CEP78: variants seen among roughly 807,000 people sequenced by gnomAD.
The protein encoded by CEP78 is centrosomal protein of 78 kDa.
Under a neutral mutation model 81.2 loss-of-function variants are expected in CEP78, and 76 were observed. The ratio of observed to expected loss-of-function variants is 0.94; its 90% CI spans 0.78 to 1.13. CEP78 has a LOEUF of 1.13. CEP78 is among the 50% of genes most tolerant of loss of function. CEP78 has a pLI of 0.00. For missense variants in CEP78, 918 were observed against 846.8 expected (o/e 1.08, Z -1.04); for synonymous variants, 293 against 301.4 (o/e 0.97, Z 0.29).
intron 8 of CEP78, among the ~76,000 whole-genome samples, chr9:78,251,274 A>C (rs1163383452): frequency 6.6e-6 from 1 of 152,238 alleles, no homozygotes; most frequent in African/African-American, 2.4e-5. Flanking sequence ...GAAGGTGGAC[A>C]GACTTATAGG....
Position 78,264,203 on chromosome 9 carries a change from C to T in CEP78, c.1512C>T (p.Ala504=). ...ATATAAATTTCTCTTTGTCTGAAGC[C>T]CTTCATGCACAGTCATTGACAAATA... is the stretch of plus-strand genomic sequence containing the variant. The part of the protein sequence containing the change: ...LRNINFSLSE[A]LHAQSLTNMI... The change falls in exon 13 of 17, where the codon GCC becomes GCT. Residue 504 remains alanine (A), a synonymous_variant. Transcript: ENST00000643273. The T allele has an allele frequency of 1.9e-6, 3 of 1,564,740 alleles. No homozygotes were observed. The highest frequency in any genetic ancestry group is 2.6e-6 in the Non-Finnish European group (3 of 1,156,790).
chr9:78,243,754 G>T, intron 5 of CEP78, 118 bp downstream of exon 5: 1 of 688,874 alleles, frequency 1.5e-6, no homozygotes, highest in Non-Finnish European at 2.2e-6. Context: ...TTTTCTAATA[G>T]GTTTTATTTT....
Position 78,266,633 on chromosome 9 carries a change from T to C in CEP78, c.2037T>C (p.Thr679=). Residue 679 remains threonine (T), a synonymous_variant, in exon 16 of 17, where the codon ACT becomes ACC. Coordinates refer to ENST00000643273, the MANE Select transcript of CEP78 (RefSeq NM_001330691.3). The part of the protein sequence containing the change: ...CSPSPDATSG[T]GSQRKEEELS... Reference sequence around the variant, plus strand: ...CTTCACCAGATGCGACTTCTGGAACTGGAAGTCAAAGAAAAGAAGAGGAGT... The same window carrying C: ...CTTCACCAGATGCGACTTCTGGAACCGGAAGTCAAAGAAAAGAAGAGGAGT... The C allele has an allele frequency of 1.9e-6, 3 of 1,612,852 alleles. No individual in the cohort carries two copies. The highest frequency in any genetic ancestry group is 2.5e-6 in the Non-Finnish European group (3 of 1,179,286).
chr9:78,273,840 AT>A lies in CEP78; in HGVS notation c.*2990del, dbSNP rs1437052459. The stretch of plus-strand genomic sequence containing the variant: ...CAGTTATAACAAGAAGCTTTAAGAC[AT>A]CTCTTTTCAGAATCAGTGGATCGAC... On this transcript the variant is annotated 3_prime_UTR_variant, in exon 17 of 17. Coordinates refer to ENST00000643273, the MANE Select transcript of CEP78 (RefSeq NM_001330691.3). 2 of 152,246 alleles carry A rather than the reference AT, an allele frequency of 1.3e-5. No individual in the cohort carries two copies. Among genetic ancestry groups the A allele is most frequent in the Non-Finnish European group, 2.9e-5 (2 of 68,034 alleles). 9.4% of individuals were successfully genotyped at this position (152,246 alleles called of 1,614,324 possible). A position where few individuals can be genotyped will look rare whatever the true frequency, so the allele number is the denominator to read the frequency against.
chr9:78,236,232 C>A lies in CEP78; in HGVS notation c.-119C>A. On this transcript the variant is annotated 5_prime_UTR_variant, in exon 1 of 17. Transcript: ENST00000643273. The stretch of plus-strand genomic sequence containing the variant: ...CGAATCACCGCTCCTGAGCCCGGTG[C>A]GGGGCTGCCGCTATCGCCTGGCCGT... 1 of 870,310 alleles carries A rather than the reference C, an allele frequency of 1.1e-6. No individual in the cohort carries two copies. The highest frequency in any genetic ancestry group is 1.7e-6 in the Non-Finnish European group (1 of 584,966). The allele number at this position is 870,310 out of a possible 1,614,324, so 53.9% of individuals were successfully genotyped here.
intron 1 of CEP78, among the ~76,000 whole-genome samples, chr9:78,238,968 G>C (rs1826089398): frequency 2.0e-5 from 3 of 151,918 alleles, no homozygotes; most frequent in Middle Eastern, 3.2e-3. Context: ...CAGCCTGGGT[G>C]ACAGAGCAAG....
rs779612573 is a variant in CEP78, at chr9:78,272,571, C to A, written c.*1720C>A. ...AGCTTGTCCTAGATATTGTCTTATT[C>A]ATGGGAAGGATACAGGTAGTGTTTG... is the stretch of plus-strand genomic sequence containing the variant. On this transcript the variant is annotated 3_prime_UTR_variant, in exon 17 of 17. Transcript: ENST00000643273. 6.6e-6 allele frequency: 1 copy of A among 152,070 alleles called. No homozygotes were observed. The highest frequency in any genetic ancestry group is 6.5e-5 in the Admixed American group (1 of 15,274). 9.4% of individuals were successfully genotyped at this position (152,070 alleles called of 1,614,324 possible).
intron 3 of CEP78, among the ~76,000 whole-genome samples, 155 bp from the exon 4 acceptor site, chr9:78,241,541 G>C (rs1826228306): frequency 6.6e-6 from 1 of 152,156 alleles, no homozygotes; most frequent in African/African-American, 2.4e-5. Context: ...ACTTATTTTA[G>C]AATGTACCAA....
rs1290486027 is a variant in CEP78 at position 78,273,008 on chromosome 9, A to G, written c.*2157A>G. 1 of 152,196 alleles carries G rather than the reference A, an allele frequency of 6.6e-6. No homozygotes were observed. The highest frequency in any genetic ancestry group is 1.5e-5 in the Non-Finnish European group (1 of 68,022). 9.4% of individuals were successfully genotyped at this position (152,196 alleles called of 1,614,324 possible). ...CAGAATTGCCATTTGCCATGAGAAG[A>G]GAGGGAAGCAAATGTATGTCAACAA... On this transcript the variant is annotated 3_prime_UTR_variant, in exon 17 of 17. Transcript: ENST00000643273.
In CEP78 at chr9:78,248,355, G is replaced by A. The variant is rs748210405; in HGVS notation, c.957G>A (p.Glu319=). The part of the protein sequence containing the change: ...VLQNGRSAKS[E]YQWITSPSVK... ...AGAATGGAAGGAGTGCCAAATCAGA[G>A]GTATATCATGTTTTATTTCTCCAGA... is the stretch of plus-strand genomic sequence containing the variant. Residue 319 remains glutamate (E), a splice_region_variant and synonymous_variant, in exon 7 of 17, where the codon GAG becomes GAA. Coordinates refer to ENST00000643273, the MANE Select transcript of CEP78 (RefSeq NM_001330691.3). 2.6e-6 allele frequency: 4 copies of A among 1,550,456 alleles called. No homozygotes were observed. The highest frequency in any genetic ancestry group is 1.7e-5 in the Admixed American group (1 of 59,874).
chr9:78,272,621 A>C lies in CEP78; in HGVS notation c.*1770A>C, dbSNP rs1827717533. 1 of 152,214 alleles carries C rather than the reference A, an allele frequency of 6.6e-6. No homozygotes were observed. The highest frequency in any genetic ancestry group is 2.1e-4 in the South Asian group (1 of 4,830). 9.4% of individuals were successfully genotyped at this position (152,214 alleles called of 1,614,324 possible). A position where few individuals can be genotyped will look rare whatever the true frequency, so the allele number is the denominator to read the frequency against. ...GATTCTAGGTATTGATTGAAAAAAT[A>C]TATTAAAATATATATAAAGTTAAGG... On this transcript the variant is annotated 3_prime_UTR_variant, in exon 17 of 17. Transcript: ENST00000643273.
At chr9:78,244,141 T>TC (rs1318346420) in intron 5 of CEP78, among the ~76,000 whole-genome samples, 2 of 146,476 alleles carry the variant, frequency 1.4e-5, no homozygotes, top group Non-Finnish European at 3.0e-5. Flanking sequence ...TTACTTTTTT[T>TC]TTTTTTTTTT....
chr9:78,252,803 C>T (rs1156670517), intron 9 of CEP78, among the ~76,000 whole-genome samples: 1 of 152,196 alleles, frequency 6.6e-6, no homozygotes, highest in East Asian at 1.9e-4. Context: ...ACTTATTTCA[C>T]AACTGGTAAT....
intron 1 of CEP78, among the ~76,000 whole-genome samples, chr9:78,237,553 C>T (rs149234394): frequency 7.9e-5 from 12 of 152,192 alleles, no homozygotes; most frequent in African/African-American, 2.7e-4. Context: ...AGTATGCAAG[C>T]TGAGTTACAG....
intron 6 of CEP78, among the ~76,000 whole-genome samples, chr9:78,247,863 T>G (rs1826569952): frequency 6.6e-6 from 1 of 152,186 alleles, no homozygotes; most frequent in Non-Finnish European, 1.5e-5. Flanking sequence ...TAGGTGATTT[T>G]GCATACAACT....
At chr9:78,249,217 G>A (rs994226162) in intron 8 of CEP78, 1 of 97,352 alleles carries the variant, frequency 1.0e-5, no homozygotes, top group African/African-American at 4.3e-5. Context: ...CAGTGCTTTT[G>A]TATGATTTTG....
At position 78,254,823 on chromosome 9, in the gene CEP78, C is replaced by T. The variant is rs759710618; in HGVS notation, c.1252-13C>T. The T allele has an allele frequency of 6.3e-7, 1 of 1,597,664 alleles. No homozygotes were observed. The highest frequency in any genetic ancestry group is 1.7e-5 in the Admixed American group (1 of 58,600). Reference sequence around the variant, plus strand: ...GTTTATATTATTATACAATCTTGTCCTCTTTTTTTAAGCAACCAGGTTTTC... The same window carrying T: ...GTTTATATTATTATACAATCTTGTCTTCTTTTTTTAAGCAACCAGGTTTTC... On this transcript the variant is annotated splice_polypyrimidine_tract_variant and intron_variant, in intron 10 of 16. Coordinates refer to ENST00000643273, the MANE Select transcript of CEP78 (RefSeq NM_001330691.3).
intron 11 of CEP78, among the ~76,000 whole-genome samples, chr9:78,258,031 C>T (rs1450704937): frequency 2.6e-5 from 4 of 152,182 alleles, no homozygotes; most frequent in South Asian, 4.1e-4. Context: ...GAAATACTGC[C>T]GTGGTCTGTA....
intron 16 of CEP78, 52 bp downstream of exon 16, chr9:78,266,755 A>G: frequency 1.9e-6 from 3 of 1,599,914 alleles, no homozygotes; most frequent in Non-Finnish European, 1.7e-6. Context: ...AAGGACCTGC[A>G]TTCCTGATCT....
Sources: gnomAD v4.1 joint callset for allele counts (sites outside exome capture counted in the v4.1 genomes callset) on GRCh38, gnomAD v4.1.1 for gene constraint, MANE v1.5 for transcripts, NCBI Gene and HGNC (gene_info 2026-07-23, HGNC 2026-07-21) for gene names.